The following DNAJC16 variants were observed in gnomAD, a reference collection of about 807,000 sequenced individuals.
The protein encoded by DNAJC16 is DnaJ heat shock protein family (Hsp40) member C16, also known as dnaJ homolog subfamily C member 16.
In DNAJC16, 76 loss-of-function variants were observed where a neutral mutation model predicts 92.7. The ratio of observed to expected loss-of-function variants is 0.82; its 90% CI spans 0.68 to 0.99. DNAJC16 has a LOEUF of 0.99. DNAJC16 is among the 50% of genes least tolerant of loss of function. The pLI is 0.00. For missense variants in DNAJC16, 869 were observed against 942.4 expected, an observed-to-expected ratio of 0.92 and a Z score of 1.02; for synonymous variants, 328 against 358.7, an observed-to-expected ratio of 0.91 and a Z score of 0.97.
chr1:15,562,734 C>T (rs978569657), intron 9 of DNAJC16, among the ~76,000 whole-genome samples: 5 of 151,804 alleles, frequency 3.3e-5, no homozygotes, highest in South Asian at 2.1e-4. Flanking sequence ...GCAATCCTCC[C>T]GCCTCCCAAA....
chr1:15,544,663 T>C, intron 5 of DNAJC16, 80 bp downstream of exon 5: 2 of 1,401,770 alleles, frequency 1.4e-6, no homozygotes, highest in Non-Finnish European at 2.0e-6. Flanking sequence ...GAACATTTTC[T>C]GTAGTCCTCT....
At chr1:15,545,532 G>A (rs780177109) in intron 5 of DNAJC16, among the ~76,000 whole-genome samples, 12 of 152,216 alleles carry the variant, frequency 7.9e-5, no homozygotes, top group Middle Eastern at 3.2e-3. Context: ...GGAGCCCATC[G>A]TAATGAGTTG....
chr1:15,544,733 C>A, intron 5 of DNAJC16, 150 bp downstream of exon 5: 1 of 751,646 alleles, frequency 1.3e-6, no homozygotes, highest in Admixed American at 2.9e-5. Flanking sequence ...ATTACTCAAA[C>A]TAAATCGTTT....
At chr1:15,567,576 C>T (rs1197245836) in intron 14 of DNAJC16, among the ~76,000 whole-genome samples, 1 of 152,132 alleles carries the variant, frequency 6.6e-6, no homozygotes, top group African/African-American at 2.4e-5. Context: ...ACCGAGCAAG[C>T]GATGGGGGAA....
chr1:15,564,040 C>T lies in DNAJC16; in HGVS notation c.1450C>T (p.Gln484Ter), dbSNP rs777277783. 1 of 1,613,804 alleles carries T rather than the reference C, an allele frequency of 6.2e-7. No individual in the cohort carries two copies. The highest frequency in any genetic ancestry group is 8.5e-7 in the Non-Finnish European group (1 of 1,179,660). ...DKFILLGYLD[Q>*]LRKDPALLSS... ...ATTTATCCTCTTGGGCTATCTCGAC[C>T]AGCTGCGTAAAGATCCAGCTCTTCT... The change falls in exon 10 of 15, where the codon CAG (glutamine) becomes TAG (stop). Residue 484 changes from glutamine to a stop codon, truncating the protein, a stop_gained. Transcript: ENST00000375847. LOFTEE classifies it high-confidence loss of function.
At chr1:15,537,150 C>T (rs1225439950) in intron 4 of DNAJC16, among the ~76,000 whole-genome samples, 1 of 152,132 alleles carries the variant, frequency 6.6e-6, no homozygotes, top group Non-Finnish European at 1.5e-5. Context: ...CATGCCTGGC[C>T]CCAAAGCAGG....
intron 7 of DNAJC16, among the ~76,000 whole-genome samples, chr1:15,556,513 C>T (rs528563713): frequency 2.0e-5 from 3 of 152,316 alleles, no homozygotes; most frequent in South Asian, 2.1e-4. Flanking sequence ...CGTGAGCCAC[C>T]GCGCCCAGCC....
Position 15,559,613 on chromosome 1 carries a change from T to A in DNAJC16, c.1111T>A (p.Phe371Ile). 1 of 1,614,180 alleles carries A rather than the reference T, an allele frequency of 6.2e-7. No homozygotes were observed. The highest frequency in any genetic ancestry group is 1.1e-5 in the South Asian group (1 of 91,084). Residue 371 changes from phenylalanine to isoleucine, a missense_variant, in exon 8 of 15, where the codon TTC becomes ATC. Physicochemically the swap from Phe to Ile is conservative, Grantham distance 21. Coordinates refer to ENST00000375847, the MANE Select transcript of DNAJC16 (RefSeq NM_015291.4). Reference sequence around the variant, plus strand: ...AGCCAGGCTCACCAGCCAGAAGTTGTTCCATGAACTCTGCCCTGTGAAACG... The same window carrying A: ...AGCCAGGCTCACCAGCCAGAAGTTGATCCATGAACTCTGCCCTGTGAAACG... ...LAARLTSQKL[F>I]HELCPVKRSH...
At chr1:15,539,549 T>TCTTTTTCTTTTTC (rs1710882564) in intron 4 of DNAJC16, among the ~76,000 whole-genome samples, 1 of 151,928 alleles carries the variant, frequency 6.6e-6, no homozygotes, top group African/African-American at 2.4e-5. Flanking sequence ...CCTGGCTTTT[T>TCTTTTTCTTTTTC]TTTTTCTTTT....
chr1:15,540,190 G>T (rs1418046451), intron 4 of DNAJC16, among the ~76,000 whole-genome samples: 1 of 152,058 alleles, frequency 6.6e-6, no homozygotes, highest in African/African-American at 2.4e-5. Flanking sequence ...ACTGGGCATG[G>T]TGGTGTGTGC....
chr1:15,551,363 A>G (rs1028722428), intron 7 of DNAJC16, among the ~76,000 whole-genome samples: 1 of 152,232 alleles, frequency 6.6e-6, no homozygotes, highest in African/African-American at 2.4e-5. Context: ...TTAATGGAAT[A>G]TCATTTTTAC....
chr1:15,545,186 C>T (rs1267902163), intron 5 of DNAJC16, among the ~76,000 whole-genome samples: 1 of 151,938 alleles, frequency 6.6e-6, no homozygotes, highest in African/African-American at 2.4e-5. Flanking sequence ...TTTTCAATAT[C>T]TTAATTTAGG....
rs182347713 is a variant in DNAJC16 at position 15,555,331 on chromosome 1, G to A, written c.1024-4195G>A. Among the ~76,000 whole-genome samples, 148 of 150,554 alleles carry A rather than the reference G, an allele frequency of 9.8e-4. 1 individual carries two copies. Among genetic ancestry groups the A allele is most frequent in the African/African-American group, 3.4e-3 (140 of 40,976 alleles). The stretch of plus-strand genomic sequence containing the variant: ...GAACTCAGGAGGCGGAGGTTGCAGT[G>A]AGCCAAGATTGTGCCACTGCACTCC... On this transcript the variant is annotated intron_variant, in intron 7 of 14. Transcript: ENST00000375847.
Position 15,567,238 on chromosome 1 carries a change from A to T in DNAJC16, c.1918A>T (p.Lys640Ter). ...SNSTKTSLLQ[K>*]FALEVYTFTG... ...TTCTACCAAGACCAGCCTACTACAG[A>T]AATTTGCTTTGGAGGTCTACACATT... Residue 640 changes from lysine to a stop codon, truncating the protein, a stop_gained, in exon 14 of 15, where the codon AAA becomes TAA. Transcript: ENST00000375847. LOFTEE classifies it high-confidence loss of function. 1 of 1,613,968 alleles carries T rather than the reference A, an allele frequency of 6.2e-7. No individual in the cohort carries two copies. The highest frequency in any genetic ancestry group is 8.5e-7 in the Non-Finnish European group (1 of 1,179,914).
At chr1:15,564,399 A>G (rs561865092) in intron 11 of DNAJC16, 40 bp downstream of exon 11, 1 of 1,226,246 alleles carries the variant, frequency 8.2e-7, no homozygotes, top group Admixed American at 1.7e-5. Context: ...TTCTCTGTTA[A>G]TACTGATATC....
At chr1:15,530,874 G>A (rs1254331628) in intron 2 of DNAJC16, among the ~76,000 whole-genome samples, 7 of 152,184 alleles carry the variant, frequency 4.6e-5, no homozygotes, top group Non-Finnish European at 1.0e-4. Flanking sequence ...TTCTAGTAGA[G>A]ACGGGGTTTT....
At chr1:15,546,900 T>A in intron 6 of DNAJC16, 29 bp downstream of exon 6, 2 of 1,436,686 alleles carry the variant, frequency 1.4e-6, no homozygotes, top group Non-Finnish European at 1.9e-6. Context: ...TAATGGTTTC[T>A]TTTTCTTTTC....
At chr1:15,564,240 T>C (rs1638759076) in intron 10 of DNAJC16, 43 bp from the exon 11 acceptor site, 1 of 1,534,972 alleles carries the variant, frequency 6.5e-7, no homozygotes, top group African/African-American at 1.4e-5. Flanking sequence ...GACTCTCCCT[T>C]CCGGCTTTAG....
chr1:15,541,335 AT>A (rs1213092695), intron 4 of DNAJC16, among the ~76,000 whole-genome samples: 1 of 152,080 alleles, frequency 6.6e-6, no homozygotes, highest in South Asian at 2.1e-4. Flanking sequence ...TTCCATAGTT[AT>A]TTTTAATGAC....
Sources: allele counts gnomAD v4.1 joint callset (sites outside exome capture counted in the v4.1 genomes callset), GRCh38; gene constraint gnomAD v4.1.1; transcripts MANE v1.5; gene names NCBI Gene and HGNC (gene_info 2026-07-23, HGNC 2026-07-21).